ADGB: variants seen among roughly 807,000 people sequenced by gnomAD.
ADGB encodes calpain-7-like protein.
In ADGB, 172 loss-of-function variants were observed where a neutral mutation model predicts 210.5. That is an observed-to-expected ratio of 0.82 (90% CI 0.72 to 0.93). The LOEUF (loss-of-function observed/expected upper bound fraction) is 0.93, where lower values mean the gene tolerates loss of function less well. Among genes scored for constraint, ADGB ranks in the 40% least tolerant of loss-of-function variants. ADGB has a pLI of 0.00. For missense variants in ADGB, 2,025 were observed against 1,964.8 expected (o/e 1.03, Z -0.58); for synonymous variants, 658 against 662.7 (o/e 0.99, Z 0.11).
chr6:146,769,354 GATGTA>G (rs923479890), intron 29 of ADGB, among the ~76,000 whole-genome samples: 6 of 151,986 alleles, frequency 3.9e-5, no homozygotes, highest in African/African-American at 1.2e-4. Flanking sequence ...TGATTAGTTA[GATGTA>G]ATGTAAGCAC....
chr6:146,679,671 C>T (rs966439306), intron 9 of ADGB, among the ~76,000 whole-genome samples: 4 of 152,206 alleles, frequency 2.6e-5, no homozygotes, highest in Non-Finnish European at 5.9e-5. Flanking sequence ...CCAGAGTTCA[C>T]ACAACTACTA....
chr6:146,746,232 G>C (rs565280561), intron 26 of ADGB, 123 bp downstream of exon 26: 1 of 710,404 alleles, frequency 1.4e-6, no homozygotes, highest in Non-Finnish European at 2.2e-6. Context: ...ATTCTTTTTG[G>C]AAACAATTAA....
At chr6:146,707,077 C>T (rs1776584650) in intron 13 of ADGB, among the ~76,000 whole-genome samples, 1 of 151,886 alleles carries the variant, frequency 6.6e-6, no homozygotes, top group Non-Finnish European at 1.5e-5. Flanking sequence ...TCAAGATATT[C>T]TAAAAATTTC....
At chr6:146,617,245 G>T (rs1780816467) in intron 1 of ADGB, among the ~76,000 whole-genome samples, 1 of 151,722 alleles carries the variant, frequency 6.6e-6, no homozygotes, top group Admixed American at 6.6e-5. Context: ...TTTTTCAATT[G>T]TTCACAGTTG....
Position 146,692,935 on chromosome 6 carries a change from C to A in ADGB, c.1577+20C>A. Reference sequence around the variant, plus strand: ...AGAAATGTAAGTATTAACATTCTTCCTCACAAATGTGTCTTGTTAGTAAAT... The same window carrying A: ...AGAAATGTAAGTATTAACATTCTTCATCACAAATGTGTCTTGTTAGTAAAT... On this transcript the variant is annotated intron_variant, in intron 12 of 35. Transcript: ENST00000397944. 1 of 1,305,732 alleles carries A rather than the reference C, an allele frequency of 7.7e-7. No homozygotes were observed. Among genetic ancestry groups the A allele is most frequent in the South Asian group, 1.3e-5 (1 of 74,914 alleles). 80.9% of individuals were successfully genotyped at this position (1,305,732 alleles called of 1,614,324 possible). A position where few individuals can be genotyped will look rare whatever the true frequency, so the allele number is the denominator to read the frequency against.
chr6:146,636,149 A>G (rs906591868), intron 2 of ADGB, among the ~76,000 whole-genome samples: 1 of 152,202 alleles, frequency 6.6e-6, no homozygotes, highest in South Asian at 2.1e-4. Flanking sequence ...TAAAGACTTC[A>G]AAGTTGAGGC....
At position 146,717,063 on chromosome 6, in the gene ADGB, G is replaced by A; in HGVS notation, c.1922G>A (p.Cys641Tyr). The change falls in exon 15 of 36, where the codon TGC (cysteine) becomes TAC (tyrosine). Residue 641 changes from cysteine to tyrosine, a missense_variant. By Grantham distance (194) the Cys-to-Tyr change is radical. Transcript: ENST00000397944. ...IWLDFEDFCV[C>Y]FQNIYIFHKP... ...TTAGATTTTGAAGATTTCTGTGTAT[G>A]CTTTCAGTAAGTATACCAATGGGAT... The A allele has an allele frequency of 6.5e-7, 1 of 1,549,208 alleles. No homozygotes were observed. Among genetic ancestry groups the A allele is most frequent in the African/African-American group, 1.4e-5 (1 of 73,108 alleles).
chr6:146,703,207 A>G (rs117791785), intron 13 of ADGB, among the ~76,000 whole-genome samples: 1 of 151,878 alleles, frequency 6.6e-6, no homozygotes, highest in Admixed American at 6.6e-5. Flanking sequence ...TATGTATTTC[A>G]TATGTTCTAA....
chr6:146,696,926 A>T (rs1446784960), intron 12 of ADGB, among the ~76,000 whole-genome samples: 2 of 152,168 alleles, frequency 1.3e-5, no homozygotes, highest in African/African-American at 4.8e-5. Context: ...ACTGTTTTAG[A>T]ACAACAAAAA....
Position 146,773,202 on chromosome 6 carries a change from G to A in ADGB, c.3862+4071G>A, listed in dbSNP as rs1034819860. On this transcript the variant is annotated intron_variant, in intron 29 of 35. Transcript: ENST00000397944. ...ATTATTAATATTAAGACTTCATAAC[G>A]TTAGACATTAGTGACCCTAAATTAC... 4.6e-5 allele frequency among the ~76,000 whole-genome samples: 7 copies of A among 151,692 alleles called. No homozygotes were observed. In the East Asian group the frequency reaches 7.7e-4, roughly 17 times the overall value.
intron 9 of ADGB, among the ~76,000 whole-genome samples, chr6:146,685,224 GC>G (rs1382891702): frequency 6.6e-6 from 1 of 151,948 alleles, no homozygotes; most frequent in Non-Finnish European, 1.5e-5. Flanking sequence ...AATTCTACCA[GC>G]ATTAAACATT....
rs1392783574 is a variant in ADGB, at chr6:146,715,379, T to C, written c.1708-3T>C. On this transcript the variant is annotated splice_region_variant and splice_polypyrimidine_tract_variant and intron_variant, in intron 13 of 35. Transcript: ENST00000397944. ...TTCAAAGTGTGTTTCTTTTAATTCA[T>C]AGGGAAATACTGCTTCACAAGTTAT... 1.3e-6 allele frequency: 2 copies of C among 1,507,918 alleles called. No homozygotes were observed. Among genetic ancestry groups the C allele is most frequent in the African/African-American group, 1.4e-5 (1 of 69,978 alleles). 93.4% of individuals were successfully genotyped at this position (1,507,918 alleles called of 1,614,324 possible).
Position 146,607,268 on chromosome 6 carries a change from A to G in ADGB, c.74+8154A>G, listed in dbSNP as rs76759528. 2.0e-5 allele frequency among the ~76,000 whole-genome samples: 3 copies of G among 152,166 alleles called. No homozygotes were observed. The East Asian group carries it at 5.8e-4, about 29-fold the overall frequency. ...GCTTTGTATCCTGAAAGTTTGATGA[A>G]GTTATCAGGTTTAAGAGCCATTGGG... On this transcript the variant is annotated intron_variant, in intron 1 of 35. Transcript: ENST00000397944.
rs35094864 is a variant in ADGB at position 146,772,424 on chromosome 6, T to TATAG, written c.3862+3296_3862+3297insGATA. ...AGTTAAATATATATATTATATTTAT[T>TATAG]ATATATATATATCACACAGCTGGTT... On this transcript the variant is annotated intron_variant, in intron 29 of 35. Transcript: ENST00000397944. 6.4e-5 allele frequency among the ~76,000 whole-genome samples: 3 copies of TATAG among 46,650 alleles called. No homozygotes were observed. The Admixed American group carries it at 1.1e-3, about 17-fold the overall frequency. 30.6% of individuals were successfully genotyped at this position (46,650 alleles called of 152,430 possible). A position where few individuals can be genotyped will look rare whatever the true frequency, so the allele number is the denominator to read the frequency against.
chr6:146,622,168 T>G (rs543860381), intron 1 of ADGB, among the ~76,000 whole-genome samples: 53 of 152,314 alleles, frequency 3.5e-4, no homozygotes, highest in African/African-American at 1.2e-3. Flanking sequence ...TGTGTTTATT[T>G]GCCATTAGTA....
chr6:146,740,647 A>G (rs1437664207), intron 24 of ADGB, 54 bp downstream of exon 24: 6 of 1,503,508 alleles, frequency 4.0e-6, no homozygotes, highest in Middle Eastern at 3.6e-4. Context: ...CAATATCTGT[A>G]TTTATGAATA....
intron 14 of ADGB, among the ~76,000 whole-genome samples, chr6:146,716,539 G>A (rs1202453697): frequency 8.5e-6 from 1 of 118,158 alleles, no homozygotes; most frequent in African/African-American, 5.5e-5. Context: ...CTTGCAGTGA[G>A]CCGAGATTGC....
chr6:146,682,054 G>T (rs1230206014), intron 9 of ADGB, among the ~76,000 whole-genome samples: 4 of 152,052 alleles, frequency 2.6e-5, no homozygotes, highest in African/African-American at 9.7e-5. Flanking sequence ...GGCATTCACT[G>T]AAAGTTAGCT....
chr6:146,658,238 C>T (rs1439112637), intron 5 of ADGB, among the ~76,000 whole-genome samples: 1 of 152,054 alleles, frequency 6.6e-6, no homozygotes, highest in African/African-American at 2.4e-5. Flanking sequence ...CACAGCAAGA[C>T]AATTGGCCTT....
Sources: gnomAD v4.1 joint callset for allele counts (sites outside exome capture counted in the v4.1 genomes callset) on GRCh38, gnomAD v4.1.1 for gene constraint, MANE v1.5 for transcripts, NCBI Gene and HGNC (gene_info 2026-07-23, HGNC 2026-07-21) for gene names.